CCDC192: variants seen among roughly 807,000 people sequenced by gnomAD.
CCDC192 encodes coiled-coil domain containing 192, also known as coiled-coil domain-containing protein 192.
At chr5:127,801,896 G>A (rs1341901521) in intron 5 of CCDC192, among the ~76,000 whole-genome samples, 1 of 152,180 alleles carries the variant, frequency 6.6e-6, no homozygotes, top group African/African-American at 2.4e-5. Context: ...GCAAAGTAAA[G>A]ACATTATCTG....
At chr5:127,815,124 T>C (rs1748945893) in intron 5 of CCDC192, among the ~76,000 whole-genome samples, 1 of 152,206 alleles carries the variant, frequency 6.6e-6, no homozygotes, top group African/African-American at 2.4e-5. Context: ...GGTGTTTCTC[T>C]ATCTGAAACT....
At position 127,811,365 on chromosome 5, in the gene CCDC192, G is replaced by A. The variant is rs368271880; in HGVS notation, c.411+13203G>A. ...ATTTCCTCTCCTTGCATAGGAGTTG[G>A]GGGTAGTGTTGGTAATGTAGTAGCA... On this transcript the variant is annotated intron_variant, in intron 5 of 6. Transcript: ENST00000514853. Among the ~76,000 whole-genome samples, 4 of 152,102 alleles carry A rather than the reference G, an allele frequency of 2.6e-5. No individual in the cohort carries two copies. The East Asian group carries it at 7.7e-4, about 29-fold the overall frequency.
chr5:127,923,613 G>A (rs1753789826), intron 6 of CCDC192, among the ~76,000 whole-genome samples: 1 of 152,154 alleles, frequency 6.6e-6, no homozygotes, highest in African/African-American at 2.4e-5. Flanking sequence ...TTCTGACCTT[G>A]TGATCTGCCC....
At chr5:127,805,270 A>G (rs572149599) in intron 5 of CCDC192, among the ~76,000 whole-genome samples, 1 of 152,184 alleles carries the variant, frequency 6.6e-6, no homozygotes, top group African/African-American at 2.4e-5. Flanking sequence ...TATGAAGTAG[A>G]TATCACTCCC....
At chr5:127,837,880 CA>C (rs1393254153) in intron 5 of CCDC192, among the ~76,000 whole-genome samples, 1 of 152,112 alleles carries the variant, frequency 6.6e-6, no homozygotes, top group African/African-American at 2.4e-5. Flanking sequence ...CCCAGCTACT[CA>C]GGAGGCTGAG....
chr5:127,784,997 A>G (rs941697304), intron 3 of CCDC192: 1 of 477,148 alleles, frequency 2.1e-6, no homozygotes. Flanking sequence ...TCCAAGACCA[A>G]TAACTTCAAC....
rs116465070 is a variant in CCDC192 at position 127,792,147 on chromosome 5, A to G, written c.223-4956A>G. ...GGCAAAAAAGTGAGATTCTGTCTGTATTAGTCCATTCTCACACTGCTAATA... is the reference window on the plus strand; with the variant it reads ...GGCAAAAAAGTGAGATTCTGTCTGTGTTAGTCCATTCTCACACTGCTAATA... On this transcript the variant is annotated intron_variant, in intron 3 of 6. Coordinates refer to ENST00000514853, the MANE Select transcript of CCDC192 (RefSeq NM_001317938.2). Among the ~76,000 whole-genome samples the G allele has an allele frequency of 3.1e-3, 478 of 152,312 alleles. 4 individuals are homozygous for G. Among genetic ancestry groups the G allele is most frequent in the African/African-American group, 0.011 (459 of 41,572 alleles).
At chr5:127,709,205 GAGAGAGAGAGAGAGA>G (rs1751174179) in intron 2 of CCDC192, among the ~76,000 whole-genome samples, 2 of 13,420 alleles carry the variant, frequency 1.5e-4, no homozygotes, top group African/African-American at 8.8e-4. Flanking sequence ...GAGAGGGGGA[GAGAGAGAGAGAGAGA>G]GAGAGAGAGA....
intron 6 of CCDC192, among the ~76,000 whole-genome samples, chr5:127,912,601 C>G (rs1486948609): frequency 6.6e-6 from 1 of 152,088 alleles, no homozygotes; most frequent in Admixed American, 6.5e-5. Flanking sequence ...GCAAGGGAGG[C>G]AGCCTCTTAT....
At chr5:127,881,879 G>C (rs1752367752) in intron 6 of CCDC192, among the ~76,000 whole-genome samples, 1 of 152,166 alleles carries the variant, frequency 6.6e-6, no homozygotes, top group Non-Finnish European at 1.5e-5. Context: ...TCCCTTCAAA[G>C]CTTGAGTCCA....
At chr5:127,901,638 A>G (rs750506916) in intron 6 of CCDC192, among the ~76,000 whole-genome samples, 1 of 152,208 alleles carries the variant, frequency 6.6e-6, no homozygotes, top group African/African-American at 2.4e-5. Context: ...CTAACGGAAA[A>G]GTATGGCATC....
At chr5:127,784,751 A>G (rs1469499054) in intron 3 of CCDC192, 3 of 515,172 alleles carry the variant, frequency 5.8e-6, no homozygotes, top group East Asian at 9.9e-5. Context: ...GGCCTCATCA[A>G]CTAACTGCTG....
rs915135369 is a variant in CCDC192, at chr5:127,863,468, G to A, written c.412-12070G>A. ...ATAAGTCAATCTCAAAATAAATACT[G>A]TGTGATTCCACTTATATGAGGTACC... On this transcript the variant is annotated intron_variant, in intron 5 of 6. Coordinates refer to ENST00000514853, the MANE Select transcript of CCDC192 (RefSeq NM_001317938.2). 2.6e-5 allele frequency among the ~76,000 whole-genome samples: 4 copies of A among 152,314 alleles called. No homozygotes were observed. In the East Asian group the frequency reaches 7.7e-4, roughly 29 times the overall value.
chr5:127,786,496 CA>C, intron 3 of CCDC192: 1 of 629,834 alleles, frequency 1.6e-6, no homozygotes, highest in Non-Finnish European at 2.9e-6. Context: ...CCTTTTTGAT[CA>C]GCTTTGAAAC....
chr5:127,801,037 G>GA (rs1757481764), intron 5 of CCDC192, among the ~76,000 whole-genome samples: 1 of 152,140 alleles, frequency 6.6e-6, no homozygotes, highest in Admixed American at 6.6e-5. Flanking sequence ...CCTATTGAGA[G>GA]AAGAGAGAGG....
At chr5:127,764,372 A>G (rs1755098619) in intron 3 of CCDC192, among the ~76,000 whole-genome samples, 2 of 152,196 alleles carry the variant, frequency 1.3e-5, no homozygotes, top group Admixed American at 1.3e-4. Context: ...TTTGGTGATT[A>G]ATTAAATGTA....
intron 2 of CCDC192, among the ~76,000 whole-genome samples, chr5:127,751,817 TG>T (rs1210003120): frequency 6.6e-6 from 1 of 152,220 alleles, no homozygotes; most frequent in Non-Finnish European, 1.5e-5. Flanking sequence ...CTCATTTCTT[TG>T]TATTCTTTTT....
At chr5:127,719,568 C>CAT (rs142203401) in intron 2 of CCDC192, among the ~76,000 whole-genome samples, 25 of 19,034 alleles carry the variant, frequency 1.3e-3, no homozygotes, top group Non-Finnish European at 3.4e-3. Context: ...TACACACATA[C>CAT]ATATATATAT....
intron 5 of CCDC192, among the ~76,000 whole-genome samples, chr5:127,842,983 A>G (rs1750357363): frequency 6.7e-6 from 1 of 149,182 alleles, no homozygotes; most frequent in African/African-American, 2.5e-5. Context: ...GATAGTGTAC[A>G]CTTTCTGCTT....
Sources: allele counts gnomAD v4.1 joint callset (sites outside exome capture counted in the v4.1 genomes callset), GRCh38; gene constraint gnomAD v4.1.1; transcripts MANE v1.5; gene names NCBI Gene and HGNC (gene_info 2026-07-23, HGNC 2026-07-21).